The following ATR variants were observed in gnomAD, a reference collection of about 807,000 sequenced individuals.
The protein encoded by ATR is ATR checkpoint kinase.
ATR carries 142 observed loss-of-function variants against 305.3 expected under a neutral mutation model. That is an observed-to-expected ratio of 0.47 (90% CI 0.41 to 0.53). The LOEUF is 0.53. Among genes scored for constraint, ATR ranks in the 20% least tolerant of loss-of-function variants. The pLI is 0.00. For synonymous variants in ATR, 1,050 were observed against 1,068.1 expected (o/e 0.98, Z 0.33); for missense variants, 2,135 against 3,133.1 (o/e 0.68, Z 7.60).
At chr3:142,451,001 T>C in intron 46 of ATR, 2 of 1,244,730 alleles carry the variant, frequency 1.6e-6, no homozygotes, top group Non-Finnish European at 2.0e-6. Context: ...AGCTGTGAAC[T>C]ACACCATCAA....
intron 27 of ATR, among the ~76,000 whole-genome samples, chr3:142,509,173 C>CT: frequency 6.6e-6 from 1 of 152,156 alleles, no homozygotes; most frequent in South Asian, 2.1e-4. Context: ...TATTTACTTA[C>CT]TTTTTAAAAA....
intron 18 of ATR, among the ~76,000 whole-genome samples, chr3:142,539,915 T>C (rs1346796225): frequency 1.3e-5 from 2 of 152,098 alleles, no homozygotes; most frequent in Admixed American, 1.3e-4. Flanking sequence ...AGATGAAAGA[T>C]TAGTGGGGAA....
chr3:142,575,036 T>TAA (rs59350099), intron 1 of ATR, among the ~76,000 whole-genome samples: 1 of 152,066 alleles, frequency 6.6e-6, no homozygotes, highest in Non-Finnish European at 1.5e-5. Flanking sequence ...AAGCAAGTTT[T>TAA]AAAAAACTTG....
At position 142,553,664 on chromosome 3, in the gene ATR, A is replaced by T. The variant is rs1188464928; in HGVS notation, c.2609T>A (p.Ile870Asn). 1 of 1,610,706 alleles carries T rather than the reference A, an allele frequency of 6.2e-7. No individual in the cohort carries two copies. Residue 870 changes from isoleucine to asparagine, a missense_variant, in exon 12 of 47, where the codon ATT (isoleucine) becomes AAT (asparagine). By Grantham distance (149) the Ile-to-Asn change is moderately radical. Around this residue, in one of 9 missense-constraint regions of ATR, gnomAD observed 530 missense variants for 766.8 expected, o/e 0.69. Transcript: ENST00000350721. ...SRNNELKDTL[I>N]LTTGDIGRAA... is the part of the protein sequence containing the mutation. ...CCTTCCAATATCCCCTGTTGTAAGA[A>T]TCAAGGTATCCTTCAGCTCATTATT... is the stretch of plus-strand genomic sequence containing the variant.
chr3:142,482,587 G>A (rs542720317), intron 36 of ATR, among the ~76,000 whole-genome samples: 59 of 152,192 alleles, frequency 3.9e-4, no homozygotes, highest in African/African-American at 1.3e-3. Flanking sequence ...ATCTCAGAGC[G>A]TTGGGAGGCT....
At chr3:142,541,497 T>C (rs1439805317) in intron 17 of ATR, among the ~76,000 whole-genome samples, 1 of 152,210 alleles carries the variant, frequency 6.6e-6, no homozygotes, top group Non-Finnish European at 1.5e-5. Flanking sequence ...CTAATGATAT[T>C]AAATTCAAGA....
rs747530905 is a variant in ATR at position 142,542,652 on chromosome 3, T to C, written c.3450+13A>G. On this transcript the variant is annotated intron_variant, in intron 17 of 46. Transcript: ENST00000350721. Reference sequence around the variant, plus strand: ...GAATTCTATCTTAGCACTCTGGAACTATCACCACTTACCATTTTCTTATCT... The same window carrying C: ...GAATTCTATCTTAGCACTCTGGAACCATCACCACTTACCATTTTCTTATCT... The C allele has an allele frequency of 6.2e-7, 1 of 1,600,944 alleles. No homozygotes were observed. Among genetic ancestry groups the C allele is most frequent in the Non-Finnish European group, 8.6e-7 (1 of 1,168,504 alleles).
intron 38 of ATR, among the ~76,000 whole-genome samples, chr3:142,468,944 T>C (rs986626533): frequency 2.2e-4 from 34 of 152,240 alleles, no homozygotes; most frequent in African/African-American, 7.9e-4. Context: ...TGAGCTATGA[T>C]CCCACCACTG....
chr3:142,559,503 A>T, intron 6 of ATR, 62 bp from the exon 7 acceptor site: 1 of 1,522,170 alleles, frequency 6.6e-7, no homozygotes. Context: ...ATAGTCAAAC[A>T]TAAAATTGTA....
At chr3:142,493,064 C>T (rs1302113232) in intron 35 of ATR, 68 bp downstream of exon 35, 7 of 1,542,818 alleles carry the variant, frequency 4.5e-6, no homozygotes, top group Non-Finnish European at 6.2e-6. Flanking sequence ...ATGTGCTTTG[C>T]CATATAGACT....
At chr3:142,527,133 C>A (rs909500139) in intron 21 of ATR, among the ~76,000 whole-genome samples, 2 of 152,060 alleles carry the variant, frequency 1.3e-5, no homozygotes, top group African/African-American at 2.4e-5. Flanking sequence ...GATAATATTT[C>A]ATTTATAAAT....
intron 5 of ATR, 43 bp from the exon 6 acceptor site, chr3:142,560,497 A>G (rs1238940053): frequency 6.5e-7 from 1 of 1,529,234 alleles, no homozygotes; most frequent in South Asian, 1.1e-5. Context: ...TATGCAATAT[A>G]AATTTGGTTA....
chr3:142,468,866 G>A (rs918306543), intron 38 of ATR, among the ~76,000 whole-genome samples: 7 of 152,092 alleles, frequency 4.6e-5, no homozygotes, highest in East Asian at 1.9e-4. Context: ...GTGACACACC[G>A]CTATCATCCT....
At chr3:142,561,189 G>A (rs2034864976) in intron 5 of ATR, 54 bp downstream of exon 5, 1 of 1,574,828 alleles carries the variant, frequency 6.3e-7, no homozygotes, top group East Asian at 2.2e-5. Context: ...ATTTTTAAAA[G>A]TGAACAAAGT....
chr3:142,528,623 C>T (rs2033495878), intron 21 of ATR, among the ~76,000 whole-genome samples: 1 of 151,588 alleles, frequency 6.6e-6, no homozygotes, highest in African/African-American at 2.4e-5. Context: ...AGAGTTGTTT[C>T]TTACTTTGTA....
intron 21 of ATR, 122 bp from the exon 22 acceptor site, chr3:142,524,321 T>G: frequency 2.1e-6 from 2 of 962,872 alleles, no homozygotes; most frequent in Non-Finnish European, 3.1e-6. Context: ...ATTAAATTTC[T>G]GTATCTGCAA....
At chr3:142,576,022 T>C (rs943578511) in intron 1 of ATR, among the ~76,000 whole-genome samples, 1 of 152,138 alleles carries the variant, frequency 6.6e-6, no homozygotes, top group South Asian at 2.1e-4. Flanking sequence ...GAGTGGAAAA[T>C]CTATTATAAG....
intron 46 of ATR, chr3:142,451,606 G>A: frequency 7.8e-7 from 1 of 1,285,076 alleles, no homozygotes; most frequent in Non-Finnish European, 1.0e-6. Context: ...GATGCCAAGG[G>A]TCTCACTCTG....
chr3:142,460,024 C>A (rs1402680540), intron 42 of ATR, among the ~76,000 whole-genome samples: 1 of 151,828 alleles, frequency 6.6e-6, no homozygotes, highest in East Asian at 1.9e-4. Context: ...ATTTTCAAAT[C>A]CAAACTCAGA....
Sources: allele counts gnomAD v4.1 joint callset (sites outside exome capture counted in the v4.1 genomes callset), GRCh38; gene constraint gnomAD v4.1.1; regional missense constraint gnomAD v4.1.1; transcripts MANE v1.5; gene names NCBI Gene and HGNC (gene_info 2026-07-23, HGNC 2026-07-21).